DCDC1: variants seen among roughly 807,000 people sequenced by gnomAD.
DCDC1 encodes the protein doublecortin domain containing 1, also known as doublecortin domain-containing protein 1.
A neutral mutation model predicts 178.3 loss-of-function variants in DCDC1; 200 were observed. That is an observed-to-expected ratio of 1.12 (90% CI 1.00 to 1.26). DCDC1 has a LOEUF of 1.26. Among genes scored for constraint, DCDC1 ranks in the 50% most tolerant of loss-of-function variants. The pLI is 0.00. For synonymous variants in DCDC1, 690 were observed against 604.8 expected (o/e 1.14, Z -2.07); for missense variants, 1,983 against 1,749.2 (o/e 1.13, Z -2.38).
chr11:30,878,704 T>G lies in DCDC1; in HGVS notation c.5241A>C (p.Lys1747Asn), dbSNP rs1445802408. The change falls in exon 38 of 39, where the codon AAA becomes AAC. Residue 1747 changes from lysine (K) to asparagine (N), a missense_variant. Transcript: ENST00000684477. ...GHGFKTPKEL[K>N]QLMEIRANYA... The stretch of plus-strand genomic sequence containing the variant: ...AATTTGCTCTGATCTCCATCAGTTG[T>G]TTTAACTCTGTTAAAAAAAAAAAAA... 6.4e-7 allele frequency: 1 copy of G among 1,552,680 alleles called. No individual in the cohort carries two copies. Among genetic ancestry groups the G allele is most frequent in the South Asian group, 1.2e-5 (1 of 82,872 alleles).
intron 11 of DCDC1, among the ~76,000 whole-genome samples, chr11:31,112,099 GATGCTT>G (rs1218686179): frequency 6.6e-6 from 1 of 152,172 alleles, no homozygotes; most frequent in African/African-American, 2.4e-5. Flanking sequence ...TAAAAGTTTA[GATGCTT>G]AAGTGAAGGG....
At chr11:31,129,565 C>CA (rs893165174) in intron 10 of DCDC1, among the ~76,000 whole-genome samples, 13 of 150,634 alleles carry the variant, frequency 8.6e-5, no homozygotes, top group African/African-American at 2.2e-4. Flanking sequence ...ACTTTATTTA[C>CA]AAAAAAAAAT....
chr11:31,091,956 G>T (rs1249787880), intron 16 of DCDC1, among the ~76,000 whole-genome samples: 1 of 152,130 alleles, frequency 6.6e-6, no homozygotes, highest in Non-Finnish European at 1.5e-5. Flanking sequence ...AATATCATGG[G>T]TTAAACATTT....
intron 18 of DCDC1, among the ~76,000 whole-genome samples, chr11:31,067,243 C>G (rs1481966974): frequency 6.6e-6 from 1 of 151,868 alleles, no homozygotes; most frequent in Non-Finnish European, 1.5e-5. Context: ...CTTATACTCA[C>G]TAATGAAAAG....
chr11:31,115,952 A>G (rs949615544), intron 11 of DCDC1, among the ~76,000 whole-genome samples: 1 of 128,128 alleles, frequency 7.8e-6, no homozygotes, highest in Non-Finnish European at 1.6e-5. Flanking sequence ...ACTGAGGGCA[A>G]TTATCTAAGA....
intron 27 of DCDC1, among the ~76,000 whole-genome samples, chr11:30,914,015 C>T (rs1023500238): frequency 2.0e-5 from 3 of 152,234 alleles, no homozygotes; most frequent in Non-Finnish European, 4.4e-5. Flanking sequence ...AGGATGTCAG[C>T]TCCATAAGAG....
At chr11:31,087,274 G>T (rs1471671958) in intron 17 of DCDC1, among the ~76,000 whole-genome samples, 1 of 151,906 alleles carries the variant, frequency 6.6e-6, no homozygotes, top group African/African-American at 2.4e-5. Context: ...AATCTGACTA[G>T]AGATTTATTA....
intron 9 of DCDC1, among the ~76,000 whole-genome samples, chr11:31,157,372 A>AAAT (rs71060478): frequency 2.1e-5 from 2 of 96,874 alleles, no homozygotes; most frequent in South Asian, 4.2e-4. Context: ...AAAAAAAAAA[A>AAAT]ATATATATAT....
intron 38 of DCDC1, among the ~76,000 whole-genome samples, chr11:30,875,933 C>T (rs889063101): frequency 3.9e-5 from 6 of 152,238 alleles, no homozygotes; most frequent in African/African-American, 1.2e-4. Context: ...AGAAAGACTG[C>T]CAGACTTTCA....
At chr11:31,189,610 T>C (rs532822995) in intron 9 of DCDC1, among the ~76,000 whole-genome samples, 1 of 152,148 alleles carries the variant, frequency 6.6e-6, no homozygotes, top group Admixed American at 6.6e-5. Flanking sequence ...GGAGAACCTG[T>C]TTCCTTGCCT....
intron 9 of DCDC1, among the ~76,000 whole-genome samples, chr11:31,239,783 T>C (rs1246149793): frequency 6.6e-6 from 1 of 151,880 alleles, no homozygotes; most frequent in Non-Finnish European, 1.5e-5. Context: ...TAATATTTAA[T>C]AAAATATATT....
Position 30,931,910 on chromosome 11 carries a change from G to C in DCDC1, c.2758C>G (p.Pro920Ala), listed in dbSNP as rs543287068. 18 of 1,612,800 alleles carry C rather than the reference G, an allele frequency of 1.1e-5. No homozygotes were observed. Among genetic ancestry groups the C allele is most frequent in the Middle Eastern group, 1.7e-4 (1 of 6,052 alleles). ...PIQGLLVPSS[P>A]PMKKPICKTT... is the part of the protein sequence containing the mutation. ...TTACAGATGGGTTTCTTCATGGGAG[G>C]ACTGCTCGGAACAAGCAGTCCTTGT... The change falls in exon 22 of 39, where the codon CCT (proline) becomes GCT (alanine). Residue 920 changes from proline (P) to alanine (A), a missense_variant. Pro to Ala is a conservative substitution (Grantham distance 27). Coordinates refer to ENST00000684477, the MANE Select transcript of DCDC1 (RefSeq NM_001387274.1).
intron 20 of DCDC1, among the ~76,000 whole-genome samples, chr11:30,996,260 A>G (rs2134979575): frequency 6.6e-6 from 1 of 152,266 alleles, no homozygotes; most frequent in East Asian, 1.9e-4. Context: ...AAAATGAAAC[A>G]AAAACAAACC....
At chr11:31,070,458 C>A (rs578241480) in intron 18 of DCDC1, among the ~76,000 whole-genome samples, 1 of 152,164 alleles carries the variant, frequency 6.6e-6, no homozygotes, top group African/African-American at 2.4e-5. Context: ...TATTTTTTAC[C>A]ACCAGAAGAT....
intron 20 of DCDC1, among the ~76,000 whole-genome samples, chr11:31,002,914 C>T (rs535821030): frequency 3.6e-4 from 55 of 152,090 alleles, no homozygotes; most frequent in African/African-American, 1.3e-3. Flanking sequence ...TATTAACATG[C>T]TACATACAAG....
At chr11:30,921,810 C>A (rs878944557) in intron 24 of DCDC1, among the ~76,000 whole-genome samples, 1 of 152,162 alleles carries the variant, frequency 6.6e-6, no homozygotes, top group Non-Finnish European at 1.5e-5. Context: ...CAGCCAGCCA[C>A]GTGAACTGGG....
intron 20 of DCDC1, among the ~76,000 whole-genome samples, chr11:31,017,224 A>T (rs557332524): frequency 6.6e-6 from 1 of 152,290 alleles, no homozygotes; most frequent in Admixed American, 6.5e-5. Context: ...GTCCACTTAC[A>T]TGCAGATTTT....
At chr11:30,898,854 T>C (rs1944436623) in intron 34 of DCDC1, among the ~76,000 whole-genome samples, 1 of 152,176 alleles carries the variant, frequency 6.6e-6, no homozygotes, top group African/African-American at 2.4e-5. Context: ...CTATGGCAAT[T>C]ACTGAGTTTG....
intron 6 of DCDC1, among the ~76,000 whole-genome samples, chr11:31,296,356 C>T (rs935857336): frequency 6.6e-6 from 1 of 152,104 alleles, no homozygotes; most frequent in African/African-American, 2.4e-5. Context: ...CCATACTTCA[C>T]CTATTCAGAC....
Sources: gnomAD v4.1 joint callset for allele counts (sites outside exome capture counted in the v4.1 genomes callset) on GRCh38, gnomAD v4.1.1 for gene constraint, MANE v1.5 for transcripts, NCBI Gene and HGNC (gene_info 2026-07-23, HGNC 2026-07-21) for gene names.